Variants in CLSTN2 observed in about 807,000 individuals in gnomAD.
CLSTN2 encodes the protein calsyntenin-2.
In CLSTN2, 48 loss-of-function variants were observed where a neutral mutation model predicts 101.2. The ratio of observed to expected loss-of-function variants is 0.47; its 90% CI spans 0.38 to 0.60. The LOEUF (loss-of-function observed/expected upper bound fraction) is 0.60, where lower values mean the gene tolerates loss of function less well. Ranked by LOEUF, CLSTN2 falls within the 20% of genes least tolerant of loss-of-function variation. The probability of loss-of-function intolerance (pLI) is 0.00; values close to 1 mark genes in which losing one functional copy is unlikely to be tolerated. For synonymous variants in CLSTN2, 481 were observed against 463.6 expected, an observed-to-expected ratio of 1.04 and a Z score of -0.48; for missense variants, 1,160 against 1,238.2, an observed-to-expected ratio of 0.94 and a Z score of 0.95.
chr3:140,170,377 A>G (rs1308840969), intron 1 of CLSTN2, among the ~76,000 whole-genome samples: 1 of 152,232 alleles, frequency 6.6e-6, no homozygotes, highest in Non-Finnish European at 1.5e-5. Context: ...AATCTTGACA[A>G]AGCAAAAATC....
intron 2 of CLSTN2, among the ~76,000 whole-genome samples, chr3:140,191,528 A>G (rs774378060): frequency 2.0e-5 from 3 of 151,992 alleles, no homozygotes; most frequent in Non-Finnish European, 4.4e-5. Flanking sequence ...ATTCTCCATG[A>G]CAGTGCTTTT....
At chr3:140,240,172 CTCTA>C (rs1559816141) in intron 2 of CLSTN2, among the ~76,000 whole-genome samples, 189 of 13,752 alleles carry the variant, frequency 0.014, 4 homozygotes, top group Admixed American at 0.017. Flanking sequence ...CTCTCTCTCT[CTCTA>C]TATATATATA....
chr3:139,987,644 G>A (rs547909777), intron 1 of CLSTN2, among the ~76,000 whole-genome samples: 57 of 152,298 alleles, frequency 3.7e-4, no homozygotes, highest in African/African-American at 1.3e-3. Flanking sequence ...TCAACAAACA[G>A]TACAGGGACA....
At chr3:140,409,061 T>C (rs2088335310) in intron 4 of CLSTN2, among the ~76,000 whole-genome samples, 1 of 152,218 alleles carries the variant, frequency 6.6e-6, no homozygotes. Flanking sequence ...TAGCTGCACA[T>C]GCATATGTAG....
At chr3:140,347,463 A>G (rs2087560673) in intron 2 of CLSTN2, among the ~76,000 whole-genome samples, 1 of 152,180 alleles carries the variant, frequency 6.6e-6, no homozygotes, top group Non-Finnish European at 1.5e-5. Flanking sequence ...GAACATATTA[A>G]CTCATCATGA....
chr3:140,177,901 T>C lies in CLSTN2; in HGVS notation c.232+1828T>C, dbSNP rs750633379. ...TGAATAGTGGCTTTCCTTTTTCCAC[T>C]GAGCATGAACCCCTCACTTCCCTCA... On this transcript the variant is annotated intron_variant, in intron 2 of 16. Coordinates refer to ENST00000458420, the MANE Select transcript of CLSTN2 (RefSeq NM_022131.3). 4.6e-5 allele frequency among the ~76,000 whole-genome samples: 7 copies of C among 152,268 alleles called. No individual in the cohort carries two copies. The South Asian group carries it at 6.2e-4, about 14-fold the overall frequency.
intron 2 of CLSTN2, among the ~76,000 whole-genome samples, chr3:140,233,199 G>T (rs960793748): frequency 1.3e-5 from 2 of 152,058 alleles, no homozygotes; most frequent in African/African-American, 4.8e-5. Context: ...TTCTGCACTT[G>T]CATTGCTATA....
At chr3:140,286,478 TG>T (rs1467347249) in intron 2 of CLSTN2, among the ~76,000 whole-genome samples, 2 of 152,172 alleles carry the variant, frequency 1.3e-5, no homozygotes, top group African/African-American at 4.8e-5. Context: ...GGAGAAAGAA[TG>T]GTTTGATGAT....
At chr3:140,190,426 C>A (rs2010543044) in intron 2 of CLSTN2, among the ~76,000 whole-genome samples, 1 of 121,078 alleles carries the variant, frequency 8.3e-6, no homozygotes. Context: ...AGGATAACCT[C>A]ATCTATAGCT....
chr3:140,392,438 T>C (rs1332038327), intron 2 of CLSTN2, among the ~76,000 whole-genome samples: 2 of 152,162 alleles, frequency 1.3e-5, no homozygotes, highest in African/African-American at 4.8e-5. Flanking sequence ...TTGATCTATA[T>C]TTAGAGTTTA....
intron 2 of CLSTN2, among the ~76,000 whole-genome samples, chr3:140,328,087 T>C (rs2087348228): frequency 6.6e-6 from 1 of 152,114 alleles, no homozygotes; most frequent in Admixed American, 6.5e-5. Context: ...CTTGCATTGG[T>C]CTTGGTACTG....
intron 1 of CLSTN2, among the ~76,000 whole-genome samples, chr3:140,069,935 G>A (rs2107776347): frequency 1.3e-5 from 2 of 152,296 alleles, no homozygotes; most frequent in South Asian, 4.1e-4. Context: ...TGAAAGTTAG[G>A]GAAAGTTGTT....
At position 140,573,931 on chromosome 3, in the gene CLSTN2, TGTG is replaced by T. The variant is rs1985650188; in HGVS notation, c.*7682_*7684del. On this transcript the variant is annotated 3_prime_UTR_variant, in exon 17 of 17. Transcript: ENST00000458420. ...CCCATGAGAACATGCAGTTGAATGA[TGTG>T]GTGCCTGGCCAGGACCTTGGAAAAC... 1 of 152,462 alleles carries T rather than the reference TGTG, an allele frequency of 6.6e-6. No individual in the cohort carries two copies. Among genetic ancestry groups the T allele is most frequent in the Non-Finnish European group, 1.5e-5 (1 of 68,286 alleles). The allele number at this position is 152,462 out of a possible 1,614,324, so 9.4% of individuals were successfully genotyped here.
At chr3:139,977,711 T>TG (rs1398630588) in intron 1 of CLSTN2, among the ~76,000 whole-genome samples, 1 of 96,836 alleles carries the variant, frequency 1.0e-5, no homozygotes, top group Non-Finnish European at 2.1e-5. Context: ...GGGGAGGGGG[T>TG]GGGGGGCAGT....
Position 140,001,373 on chromosome 3 carries a change from G to A in CLSTN2, c.109+65890G>A, listed in dbSNP as rs148370183. On this transcript the variant is annotated intron_variant, in intron 1 of 16. Transcript: ENST00000458420. The stretch of plus-strand genomic sequence containing the variant: ...CCTGATGAGTTCTTAATTTAATACA[G>A]CACATATTTGAGTTCCAAATGCCTT... Among the ~76,000 whole-genome samples the A allele has an allele frequency of 9.6e-3, 1,449 of 151,618 alleles. 29 individuals are homozygous for A. Among genetic ancestry groups the A allele is most frequent in the Admixed American group, 0.035 (530 of 15,258 alleles).
At chr3:140,229,435 G>T (rs1215605517) in intron 2 of CLSTN2, among the ~76,000 whole-genome samples, 6 of 152,088 alleles carry the variant, frequency 3.9e-5, no homozygotes, top group Non-Finnish European at 8.8e-5. Context: ...GGTCTGAGAC[G>T]CCACATTCCC....
At chr3:140,191,047 T>C (rs1473426629) in intron 2 of CLSTN2, among the ~76,000 whole-genome samples, 3 of 152,124 alleles carry the variant, frequency 2.0e-5, no homozygotes. Context: ...ATGTTACCTG[T>C]AGAGGTTTTG....
At chr3:140,119,471 A>G (rs2009303083) in intron 1 of CLSTN2, among the ~76,000 whole-genome samples, 1 of 152,148 alleles carries the variant, frequency 6.6e-6, no homozygotes. Context: ...TAATTATATC[A>G]CAGTTAATTG....
chr3:139,956,913 C>G (rs528693124), intron 1 of CLSTN2, among the ~76,000 whole-genome samples: 2 of 152,326 alleles, frequency 1.3e-5, no homozygotes, highest in East Asian at 3.9e-4. Flanking sequence ...GTGTCTGCTT[C>G]ATCCGTAATG....
Sources: allele counts gnomAD v4.1 joint callset (sites outside exome capture counted in the v4.1 genomes callset), GRCh38; gene constraint gnomAD v4.1.1; transcripts MANE v1.5; gene names NCBI Gene and HGNC (gene_info 2026-07-23, HGNC 2026-07-21).